The following GTF3C3 variants were observed in gnomAD, a reference collection of about 807,000 sequenced individuals.
The protein encoded by GTF3C3 is general transcription factor IIIC subunit 3.
A neutral mutation model predicts 105.2 loss-of-function variants in GTF3C3; 75 were observed. That is an observed-to-expected ratio of 0.71 (90% CI 0.59 to 0.86). The LOEUF is 0.86. Among genes scored for constraint, GTF3C3 ranks in the 40% least tolerant of loss-of-function variants. GTF3C3 has a pLI of 0.00. For missense variants in GTF3C3, 856 were observed against 1,076.5 expected (o/e 0.80, Z 2.87); for synonymous variants, 335 against 370.4 (o/e 0.90, Z 1.10).
In GTF3C3 at chr2:196,772,949, T is replaced by A. The variant is rs1699199911; in HGVS notation, c.2036A>T (p.Asp679Val). ...EYFGLSAAIL[D>V]KNFRKAYNYI... ...GTTGTATGCCTTTCTGAAATTTTTG[T>A]CCAGAATTGCAGCAGACAGACCAAA... is the stretch of plus-strand genomic sequence containing the variant. The change falls in exon 14 of 18, where the codon GAC becomes GTC. Residue 679 changes from aspartate (D) to valine (V), a missense_variant. Transcript: ENST00000263956. 2 of 1,584,364 alleles carry A rather than the reference T, an allele frequency of 1.3e-6. No homozygotes were observed. Among genetic ancestry groups the A allele is most frequent in the Non-Finnish European group, 1.7e-6 (2 of 1,168,512 alleles).
chr2:196,772,473 G>C (rs1699190292), intron 14 of GTF3C3, among the ~76,000 whole-genome samples: 1 of 152,142 alleles, frequency 6.6e-6, no homozygotes, highest in Non-Finnish European at 1.5e-5. Flanking sequence ...GCTTGAACCT[G>C]GGAGGCGGAG....
intron 10 of GTF3C3, chr2:196,778,594 C>A: frequency 3.3e-6 from 1 of 299,550 alleles, no homozygotes; most frequent in African/African-American, 2.2e-5. Context: ...GATTTTGCCC[C>A]AAGTCTGACA....
At chr2:196,781,354 A>AAT (rs1699350455) in intron 8 of GTF3C3, among the ~76,000 whole-genome samples, 7 of 84,052 alleles carry the variant, frequency 8.3e-5, no homozygotes, top group African/African-American at 2.4e-4. Context: ...AAAAAAAAAA[A>AAT]AAAATATATA....
chr2:196,795,746 G>A (rs1290792070), intron 2 of GTF3C3, among the ~76,000 whole-genome samples: 1 of 152,154 alleles, frequency 6.6e-6, no homozygotes, highest in Admixed American at 6.5e-5. Context: ...ATGAGACAAA[G>A]TTGCCTACTG....
chr2:196,779,853 G>GT (rs1192200731), intron 9 of GTF3C3, among the ~76,000 whole-genome samples: 1 of 151,932 alleles, frequency 6.6e-6, no homozygotes, highest in Non-Finnish European at 1.5e-5. Context: ...TAAATTTTTT[G>GT]TATTTTTTGT....
At chr2:196,791,684 C>T (rs1699551646) in intron 3 of GTF3C3, 2 of 397,436 alleles carry the variant, frequency 5.0e-6, no homozygotes, top group East Asian at 9.3e-5. Flanking sequence ...TCTTGTAATC[C>T]CAGCACTTTG....
chr2:196,785,645 T>G, intron 6 of GTF3C3, 57 bp from the exon 7 acceptor site: 2 of 1,070,328 alleles, frequency 1.9e-6, no homozygotes, highest in South Asian at 1.4e-5. Flanking sequence ...ATAAAACTCA[T>G]TTCCTTGCTT....
At chr2:196,784,798 C>G (rs529976826) in intron 8 of GTF3C3, 59 bp downstream of exon 8, 1 of 1,500,100 alleles carries the variant, frequency 6.7e-7, no homozygotes, top group East Asian at 2.3e-5. Flanking sequence ...CACCATAAAA[C>G]GCCACCTTAT....
chr2:196,791,101 C>G (rs1699540713), intron 4 of GTF3C3, among the ~76,000 whole-genome samples: 1 of 152,112 alleles, frequency 6.6e-6, no homozygotes, highest in East Asian at 1.9e-4. Context: ...GTCTAAATCT[C>G]TCAACTGAAA....
In GTF3C3 at chr2:196,789,870, T is replaced by A. The variant is rs1292037063; in HGVS notation, c.727+9A>T. The A allele has an allele frequency of 3.9e-6, 6 of 1,526,136 alleles. No individual in the cohort carries two copies. The Admixed American group carries it at 1.4e-4, about 35-fold the overall frequency. The allele number at this position is 1,526,136 out of a possible 1,614,324, so 94.5% of individuals were successfully genotyped here. A position where few individuals can be genotyped will look rare whatever the true frequency, so the allele number is the denominator to read the frequency against. On this transcript the variant is annotated intron_variant, in intron 5 of 17. Transcript: ENST00000263956. ...TGTAAAAGTGAAAAAAAAAAAAAATTTTAATTACCTTTTGTATAGCAAAAA... is the reference window on the plus strand; with the variant it reads ...TGTAAAAGTGAAAAAAAAAAAAAATATTAATTACCTTTTGTATAGCAAAAA...
intron 10 of GTF3C3, chr2:196,777,706 A>T (rs1699282490): frequency 6.6e-6 from 1 of 152,204 alleles, no homozygotes. Context: ...TCCTCTAATT[A>T]TCTTTCTTAT....
intron 8 of GTF3C3, among the ~76,000 whole-genome samples, chr2:196,784,351 T>A (rs1330559689): frequency 6.6e-6 from 1 of 152,176 alleles, no homozygotes; most frequent in African/African-American, 2.4e-5. Context: ...AATAGGTTAA[T>A]GAGTATGGTA....
intron 15 of GTF3C3, among the ~76,000 whole-genome samples, chr2:196,771,217 T>C (rs1576017909): frequency 6.6e-6 from 1 of 152,172 alleles, no homozygotes; most frequent in South Asian, 2.1e-4. Context: ...TTTCCTTGAG[T>C]TTAATTAGAA....
chr2:196,784,939 T>A lies in GTF3C3; in HGVS notation c.1042-10A>T, dbSNP rs764465502. On this transcript the variant is annotated splice_polypyrimidine_tract_variant and intron_variant, in intron 7 of 17. Coordinates refer to ENST00000263956, the MANE Select transcript of GTF3C3 (RefSeq NM_012086.5). ...AAAAATCTGTAATTATCTAAAAGAA[T>A]GGGAAAGAAGAAAGGAAATAAAATA... 6.4e-7 allele frequency: 1 copy of A among 1,557,040 alleles called. No individual in the cohort carries two copies. Among genetic ancestry groups the A allele is most frequent in the Non-Finnish European group, 8.8e-7 (1 of 1,131,200 alleles).
rs775099362 is a variant in GTF3C3 at position 196,799,579 on chromosome 2, G to A, written c.33C>T (p.Tyr11=). ...CCTCAAAGGAGATTTTCCCTTCCAAGTAGTCGATGAGTTCCGGACTGAACC... is the reference window on the plus strand; with the variant it reads ...CCTCAAAGGAGATTTTCCCTTCCAAATAGTCGATGAGTTCCGGACTGAACC... MSGFSPELID[Y]LEGKISFEEF... Residue 11 remains tyrosine (Y), a synonymous_variant, in exon 1 of 18, where the codon TAC becomes TAT. Coordinates refer to ENST00000263956, the MANE Select transcript of GTF3C3 (RefSeq NM_012086.5). 6.2e-7 allele frequency: 1 copy of A among 1,614,094 alleles called. No individual in the cohort carries two copies. Among genetic ancestry groups the A allele is most frequent in the Non-Finnish European group, 8.5e-7 (1 of 1,179,942 alleles).
Position 196,770,057 on chromosome 2 carries a change from G to A in GTF3C3, c.2261-18C>T, listed in dbSNP as rs770582554. 6.7e-7 allele frequency: 1 copy of A among 1,489,256 alleles called. No individual in the cohort carries two copies. The highest frequency in any genetic ancestry group is 8.9e-7 in the Non-Finnish European group (1 of 1,123,982). 92.3% of individuals were successfully genotyped at this position (1,489,256 alleles called of 1,614,324 possible). On this transcript the variant is annotated intron_variant, in intron 15 of 17. Coordinates refer to ENST00000263956, the MANE Select transcript of GTF3C3 (RefSeq NM_012086.5). ...ATACTGTCCTGGAAAATAAGCAGTG[G>A]TGTCAGACGGTGTGACAAGAACAGA...
At chr2:196,765,540 T>A (rs1169297961) in intron 17 of GTF3C3, among the ~76,000 whole-genome samples, 2 of 150,196 alleles carry the variant, frequency 1.3e-5, no homozygotes, top group African/African-American at 4.9e-5. Context: ...AAAATATATA[T>A]AAATATGTAT....
At chr2:196,780,380 T>C (rs186023577) in intron 9 of GTF3C3, 179 bp downstream of exon 9, 13 of 1,256,104 alleles carry the variant, frequency 1.0e-5, no homozygotes, top group East Asian at 5.4e-5. Context: ...GTAAGCCCAA[T>C]TGCAAAACAA....
At chr2:196,794,480 GC>G (rs763224542) in intron 2 of GTF3C3, among the ~76,000 whole-genome samples, 4 of 152,050 alleles carry the variant, frequency 2.6e-5, no homozygotes, top group Non-Finnish European at 5.9e-5. Context: ...CGTTTCCCAG[GC>G]TGGAGTGCAA....
Sources: gnomAD v4.1 joint callset for allele counts (sites outside exome capture counted in the v4.1 genomes callset) on GRCh38, gnomAD v4.1.1 for gene constraint, MANE v1.5 for transcripts, NCBI Gene and HGNC (gene_info 2026-07-23, HGNC 2026-07-21) for gene names.